Variants in CNTN5 observed in about 807,000 individuals in gnomAD.
CNTN5 encodes the protein contactin 5, also known as contactin-5.
CNTN5 carries 77 observed loss-of-function variants against 129.1 expected under a neutral mutation model. The ratio of observed to expected loss-of-function variants is 0.60; its 90% confidence interval spans 0.50 to 0.72. The LOEUF (loss-of-function observed/expected upper bound fraction) is 0.72, where lower values mean the gene tolerates loss of function less well. CNTN5 is among the 30% of genes least tolerant of loss of function. The pLI is 0.00. For synonymous variants in CNTN5, 509 were observed against 465.6 expected (o/e 1.09, Z -1.20); for missense variants, 1,478 against 1,328.8 (o/e 1.11, Z -1.75).
At chr11:99,716,838 A>G (rs1955256445) in intron 3 of CNTN5, among the ~76,000 whole-genome samples, 1 of 152,098 alleles carries the variant, frequency 6.6e-6, no homozygotes, top group Non-Finnish European at 1.5e-5. Flanking sequence ...TTCATTCAAC[A>G]GTGTTTTAAA....
At chr11:99,945,833 G>A (rs1358353952) in intron 7 of CNTN5, among the ~76,000 whole-genome samples, 1 of 151,940 alleles carries the variant, frequency 6.6e-6, no homozygotes, top group Non-Finnish European at 1.5e-5. Context: ...AGAGGTCTCA[G>A]CTGGAATACG....
intron 3 of CNTN5, among the ~76,000 whole-genome samples, chr11:99,638,871 A>C (rs1951663723): frequency 6.6e-6 from 1 of 152,104 alleles, no homozygotes; most frequent in Non-Finnish European, 1.5e-5. Context: ...GGTGCAAGCC[A>C]TCAGTGGATC....
At chr11:99,046,041 A>G (rs1241787071) in intron 1 of CNTN5, among the ~76,000 whole-genome samples, 18 of 152,102 alleles carry the variant, frequency 1.2e-4, no homozygotes, top group Admixed American at 1.2e-3. Flanking sequence ...GTAACTTGCA[A>G]AAGTCTAAGG....
chr11:100,252,300 T>C (rs1484005185), intron 16 of CNTN5, among the ~76,000 whole-genome samples: 1 of 152,206 alleles, frequency 6.6e-6, no homozygotes, highest in Non-Finnish European at 1.5e-5. Flanking sequence ...GTTCCTCATA[T>C]ATGCTGCACA....
At chr11:99,094,518 G>T (rs914392095) in intron 1 of CNTN5, among the ~76,000 whole-genome samples, 1 of 152,028 alleles carries the variant, frequency 6.6e-6, no homozygotes, top group Admixed American at 6.6e-5. Context: ...TTAAAGTGCT[G>T]CTCTATTGAG....
At chr11:99,313,665 A>T (rs1865212885) in intron 1 of CNTN5, among the ~76,000 whole-genome samples, 1 of 152,074 alleles carries the variant, frequency 6.6e-6, no homozygotes, top group African/African-American at 2.4e-5. Flanking sequence ...TGTCTCCTTT[A>T]CAAGAAGGAT....
chr11:99,256,967 A>T (rs1447495512), intron 1 of CNTN5, among the ~76,000 whole-genome samples: 2 of 152,128 alleles, frequency 1.3e-5, no homozygotes, highest in African/African-American at 4.8e-5. Flanking sequence ...TGACATTATG[A>T]TGGTGCTAAG....
rs557610522 is a variant in CNTN5 at position 99,893,630 on chromosome 11, G to C, written c.578-22424G>C. Among the ~76,000 whole-genome samples the C allele has an allele frequency of 2.6e-5, 4 of 151,830 alleles. No individual in the cohort carries two copies. In the South Asian group the frequency reaches 8.3e-4, roughly 32 times the overall value. On this transcript the variant is annotated intron_variant, in intron 6 of 24. Transcript: ENST00000524871. Reference sequence around the variant, plus strand: ...TGCAGGAAGGATGTAGTGAGTTGTGGGCAAAGAAAAAAAATCAGATCCTTT... The same window carrying C: ...TGCAGGAAGGATGTAGTGAGTTGTGCGCAAAGAAAAAAAATCAGATCCTTT...
chr11:99,414,618 G>T (rs557168844), intron 2 of CNTN5, among the ~76,000 whole-genome samples: 1 of 152,126 alleles, frequency 6.6e-6, no homozygotes, highest in Admixed American at 6.6e-5. Context: ...TAGTGATAGG[G>T]GTATGGGAGG....
chr11:99,321,928 A>C (rs1241520185), intron 1 of CNTN5, among the ~76,000 whole-genome samples: 1 of 152,182 alleles, frequency 6.6e-6, no homozygotes, highest in African/African-American at 2.4e-5. Flanking sequence ...CAATGTGCTC[A>C]TACTACAATG....
At chr11:99,858,396 TA>T (rs1487743560) in intron 6 of CNTN5, among the ~76,000 whole-genome samples, 5 of 152,148 alleles carry the variant, frequency 3.3e-5, no homozygotes, top group Middle Eastern at 3.4e-3. Context: ...ATTACCAAAA[TA>T]AAAAATTGTA....
At chr11:99,639,588 G>A (rs547291779) in intron 3 of CNTN5, among the ~76,000 whole-genome samples, 76 of 71,534 alleles carry the variant, frequency 1.1e-3, no homozygotes, top group African/African-American at 3.0e-3. Context: ...TTTTTGAGAC[G>A]GAGTTTTATC....
intron 1 of CNTN5, among the ~76,000 whole-genome samples, chr11:99,097,358 A>G (rs1866520087): frequency 1.3e-5 from 2 of 151,926 alleles, no homozygotes; most frequent in Admixed American, 1.3e-4. Flanking sequence ...AAGCAAAAAT[A>G]TGATGTATTA....
intron 9 of CNTN5, among the ~76,000 whole-genome samples, chr11:100,060,722 C>T (rs1286870098): frequency 6.7e-6 from 1 of 150,080 alleles, no homozygotes; most frequent in Non-Finnish European, 1.5e-5. Context: ...TCACTGCAAC[C>T]TCCGCTTTCC....
chr11:99,620,966 A>G (rs1162198430), intron 3 of CNTN5, among the ~76,000 whole-genome samples: 2 of 136,830 alleles, frequency 1.5e-5, no homozygotes, highest in Non-Finnish European at 3.2e-5. Flanking sequence ...TTCAATGGAT[A>G]CTTGTATGCC....
chr11:99,145,180 G>A (rs541988813), intron 1 of CNTN5, among the ~76,000 whole-genome samples: 10 of 152,048 alleles, frequency 6.6e-5, no homozygotes, highest in Non-Finnish European at 8.8e-5. Context: ...AGCAATTCTC[G>A]TGCCTCAGCC....
intron 6 of CNTN5, among the ~76,000 whole-genome samples, chr11:99,866,304 A>G (rs1207048951): frequency 6.6e-6 from 1 of 152,200 alleles, no homozygotes; most frequent in East Asian, 1.9e-4. Flanking sequence ...AAGGTACAGA[A>G]TAGTGGTAAC....
chr11:99,806,890 CT>C (rs35883431), intron 3 of CNTN5, among the ~76,000 whole-genome samples: 151,583 of 151,584 alleles, frequency 1, 75,791 homozygotes, highest in Non-Finnish European at 1. Context: ...TCAATTAGTT[CT>C]TGCAAGATAA....
intron 2 of CNTN5, among the ~76,000 whole-genome samples, chr11:99,420,644 TA>T (rs939306710): frequency 1.4e-4 from 22 of 152,112 alleles, no homozygotes; most frequent in African/African-American, 5.3e-4. Flanking sequence ...TGGAAAGGAT[TA>T]AATAAGATTA....
Sources: allele counts gnomAD v4.1 joint callset (sites outside exome capture counted in the v4.1 genomes callset), GRCh38; gene constraint gnomAD v4.1.1; transcripts MANE v1.5; gene names NCBI Gene and HGNC (gene_info 2026-07-23, HGNC 2026-07-21).